The following PCSK2 variants were observed in gnomAD, a reference collection of about 807,000 sequenced individuals.
PCSK2 encodes neuroendocrine convertase 2.
In PCSK2, 14 loss-of-function variants were observed where a neutral mutation model predicts 69.7. The ratio of observed to expected loss-of-function variants is 0.20; its 90% CI spans 0.13 to 0.31. The LOEUF (loss-of-function observed/expected upper bound fraction) is 0.31, where lower values mean the gene tolerates loss of function less well. PCSK2 is among the 10% of genes least tolerant of loss of function. The pLI is 1.00. For missense variants in PCSK2, 544 were observed against 842.5 expected (o/e 0.65, Z 4.39); for synonymous variants, 307 against 320.7 (o/e 0.96, Z 0.46).
chr20:17,227,032 C>A, upstream of PCSK2: 1 of 425,422 alleles, frequency 2.4e-6, no homozygotes, highest in Non-Finnish European at 4.2e-6. Context: ...AAGCACAGAC[C>A]TACACTCGCT....
intron 5 of PCSK2, among the ~76,000 whole-genome samples, chr20:17,406,085 G>A (rs61133152): frequency 0.027 from 4,180 of 152,212 alleles, 167 homozygotes; most frequent in African/African-American, 0.087. Flanking sequence ...GGCAAGCCTC[G>A]GTGACCAGAA....
chr20:17,466,228 T>C (rs1246256624), intron 11 of PCSK2, among the ~76,000 whole-genome samples: 1 of 152,172 alleles, frequency 6.6e-6, no homozygotes, highest in Non-Finnish European at 1.5e-5. Flanking sequence ...AGCGTAGCCA[T>C]ATTCTTACTT....
chr20:17,450,214 G>C (rs985460863), intron 8 of PCSK2, among the ~76,000 whole-genome samples: 1 of 151,628 alleles, frequency 6.6e-6, no homozygotes, highest in African/African-American at 2.4e-5. Flanking sequence ...ATTTTTAGTA[G>C]AGACGGGGTT....
At chr20:17,324,798 T>G (rs1198565366) in intron 2 of PCSK2, among the ~76,000 whole-genome samples, 3 of 152,150 alleles carry the variant, frequency 2.0e-5, no homozygotes, top group Non-Finnish European at 2.9e-5. Flanking sequence ...AAAGGTCTCT[T>G]CCCCTACTTC....
chr20:17,350,452 C>G (rs1426806107), intron 2 of PCSK2, among the ~76,000 whole-genome samples: 1 of 151,922 alleles, frequency 6.6e-6, no homozygotes, highest in Non-Finnish European at 1.5e-5. Context: ...TCCCCTTTCT[C>G]CTGGCCCCTC....
At chr20:17,475,999 C>T (rs2033282806) in intron 11 of PCSK2, among the ~76,000 whole-genome samples, 1 of 152,194 alleles carries the variant, frequency 6.6e-6, no homozygotes, top group East Asian at 1.9e-4. Flanking sequence ...CAAAGACTCC[C>T]AAAGCCCCTC....
chr20:17,470,024 T>C (rs922771709), intron 11 of PCSK2, among the ~76,000 whole-genome samples: 4 of 152,142 alleles, frequency 2.6e-5, no homozygotes, highest in African/African-American at 9.7e-5. Flanking sequence ...CCGTGTCTTT[T>C]GGGAATGAAC....
At chr20:17,344,088 G>A (rs1045445786) in intron 2 of PCSK2, among the ~76,000 whole-genome samples, 8 of 152,214 alleles carry the variant, frequency 5.3e-5, no homozygotes, top group Non-Finnish European at 1.0e-4. Context: ...TATCTTCCAG[G>A]AGCACTATTG....
At chr20:17,430,047 A>C (rs190476834) in intron 7 of PCSK2, among the ~76,000 whole-genome samples, 1 of 152,324 alleles carries the variant, frequency 6.6e-6, no homozygotes, top group East Asian at 1.9e-4. Context: ...GAGCTCTTCA[A>C]AATGTTTTGC....
rs2032765335 is a variant in PCSK2, at chr20:17,449,500, A to ATGT, written c.886-4242_886-4241insTGT. On this transcript the variant is annotated intron_variant, in intron 8 of 11. Transcript: ENST00000262545. ...TATTGGGATAATGTTACATATATAT[A>ATGT]AATATACATATATATATGTATGTAT... 5.0e-5 allele frequency among the ~76,000 whole-genome samples: 7 copies of ATGT among 138,864 alleles called. No individual in the cohort carries two copies. The South Asian group carries it at 1.2e-3, about 23-fold the overall frequency. 91.1% of individuals were successfully genotyped at this position (138,864 alleles called of 152,430 possible).
intron 8 of PCSK2, among the ~76,000 whole-genome samples, chr20:17,437,261 T>G (rs544781839): frequency 6.6e-6 from 1 of 152,252 alleles, no homozygotes; most frequent in South Asian, 2.1e-4. Flanking sequence ...CACAGGATTT[T>G]GGGTCTCGGC....
At chr20:17,238,556 C>T (rs1163844626) in intron 1 of PCSK2, among the ~76,000 whole-genome samples, 1 of 152,096 alleles carries the variant, frequency 6.6e-6, no homozygotes, top group Admixed American at 6.6e-5. Context: ...AGCCTTGTTG[C>T]TCATTGGCGG....
chr20:17,295,126 TC>T, intron 2 of PCSK2, among the ~76,000 whole-genome samples: 1 of 152,234 alleles, frequency 6.6e-6, no homozygotes, highest in South Asian at 2.1e-4. Context: ...GATAGAAGCA[TC>T]CCTCACATTT....
chr20:17,475,408 T>A (rs1243107066), intron 11 of PCSK2, among the ~76,000 whole-genome samples: 1 of 151,990 alleles, frequency 6.6e-6, no homozygotes, highest in African/African-American at 2.4e-5. Flanking sequence ...GAAGGTCATC[T>A]CAGGTTTAGT....
At position 17,417,295 on chromosome 20, in the gene PCSK2, TAATTA is replaced by T. The variant is rs538047886; in HGVS notation, c.620+7957_620+7961del. On this transcript the variant is annotated intron_variant, in intron 6 of 11. Transcript: ENST00000262545. The stretch of plus-strand genomic sequence containing the variant: ...CCAGCTAAAAACCTCCAATTAGGAC[TAATTA>T]GTGCTTAGGGCAATAAAACTCATCA... 2.0e-3 allele frequency among the ~76,000 whole-genome samples: 310 copies of T among 152,324 alleles called. 3 individuals are homozygous for T. The highest frequency in any genetic ancestry group is 0.019 in the Admixed American group (288 of 15,292).
In PCSK2 at chr20:17,459,701, A is replaced by T. The variant is rs1268838715; in HGVS notation, c.1202+3253A>T. Among the ~76,000 whole-genome samples the T allele has an allele frequency of 2.6e-5, 4 of 152,194 alleles. No homozygotes were observed. In the East Asian group the frequency reaches 5.8e-4, roughly 22 times the overall value. On this transcript the variant is annotated intron_variant, in intron 10 of 11. Coordinates refer to ENST00000262545, the MANE Select transcript of PCSK2 (RefSeq NM_002594.5). Reference sequence around the variant, plus strand: ...TTGAGCACACTGGGTAAAGTTTTTTAAAAAATACATTCCCAAGCCTCACCC... The same window carrying T: ...TTGAGCACACTGGGTAAAGTTTTTTTAAAAATACATTCCCAAGCCTCACCC...
chr20:17,419,891 C>T (rs1051784238), intron 6 of PCSK2, among the ~76,000 whole-genome samples: 26 of 152,156 alleles, frequency 1.7e-4, no homozygotes, highest in African/African-American at 6.0e-4. Flanking sequence ...ATTGGGGACG[C>T]AGCATACTCT....
intron 7 of PCSK2, among the ~76,000 whole-genome samples, chr20:17,433,595 A>G (rs1437347443): frequency 1.3e-5 from 2 of 152,252 alleles, no homozygotes; most frequent in African/African-American, 4.8e-5. Flanking sequence ...CATGCTGCAC[A>G]GGCAGACAGA....
intron 2 of PCSK2, among the ~76,000 whole-genome samples, chr20:17,304,054 G>T (rs1989249207): frequency 6.6e-6 from 1 of 151,222 alleles, no homozygotes; most frequent in African/African-American, 2.4e-5. Context: ...TTATCCAACT[G>T]GGAGTCTTTT....
Sources: gnomAD v4.1 joint callset for allele counts (sites outside exome capture counted in the v4.1 genomes callset) on GRCh38, gnomAD v4.1.1 for gene constraint, MANE v1.5 for transcripts, NCBI Gene and HGNC (gene_info 2026-07-23, HGNC 2026-07-21) for gene names.